The following NRXN3 variants were observed in gnomAD, a reference collection of about 807,000 sequenced individuals.
The protein encoded by NRXN3 is neurexin III.
Under a neutral mutation model 137.6 loss-of-function variants are expected in NRXN3, and 32 were observed. The observed-to-expected ratio is 0.23, with a 90% CI of 0.18 to 0.31. The LOEUF (loss-of-function observed/expected upper bound fraction) is 0.31, where lower values mean the gene tolerates loss of function less well. NRXN3 is among the 10% of genes least tolerant of loss of function. The pLI is 1.00. For missense variants in NRXN3, 1,574 were observed against 2,062.5 expected (o/e 0.76, Z 4.59); for synonymous variants, 798 against 784.5 (o/e 1.02, Z -0.29).
At chr14:79,739,537 A>G (rs2192425) in intron 19 of NRXN3, among the ~76,000 whole-genome samples, 97,106 of 150,626 alleles carry the variant, frequency 0.64, 32,311 homozygotes, top group Middle Eastern at 0.8. Flanking sequence ...CCAGCTACTC[A>G]GGAGGCTGAG....
chr14:78,946,630 T>A (rs951057842), intron 10 of NRXN3, among the ~76,000 whole-genome samples: 4 of 152,136 alleles, frequency 2.6e-5, no homozygotes, highest in African/African-American at 7.2e-5. Flanking sequence ...AGAACAGTTT[T>A]CTTCTGCTTG....
intron 19 of NRXN3, among the ~76,000 whole-genome samples, chr14:79,776,170 T>C (rs1022027950): frequency 6.6e-6 from 1 of 152,208 alleles, no homozygotes; most frequent in Admixed American, 6.5e-5. Context: ...CTCTCCACTG[T>C]TACTATGGTG....
At chr14:78,382,683 G>T (rs2089327335) in intron 4 of NRXN3, among the ~76,000 whole-genome samples, 1 of 152,140 alleles carries the variant, frequency 6.6e-6, no homozygotes, top group African/African-American at 2.4e-5. Flanking sequence ...TTTTCTCTTG[G>T]CACGTGCTCA....
At position 79,719,321 on chromosome 14, in the gene NRXN3, G is replaced by A. The variant is rs533838878; in HGVS notation, c.4014+21384G>A. Reference sequence around the variant, plus strand: ...TGTATATGTATGTGTATGTATACACGCGTGTGTATATATATGTATATATAC... The same window carrying A: ...TGTATATGTATGTGTATGTATACACACGTGTGTATATATATGTATATATAC... On this transcript the variant is annotated intron_variant, in intron 19 of 20. Transcript: ENST00000335750. Among the ~76,000 whole-genome samples the A allele has an allele frequency of 1.9e-3, 262 of 140,616 alleles. 1 individual carries two copies. The highest frequency in any genetic ancestry group is 3.6e-3 in the Admixed American group (48 of 13,242). 92.2% of individuals were successfully genotyped at this position (140,616 alleles called of 152,430 possible).
chr14:79,294,116 C>T (rs1191232804), intron 15 of NRXN3, among the ~76,000 whole-genome samples: 2 of 152,202 alleles, frequency 1.3e-5, no homozygotes. Flanking sequence ...ATCTGAGGGT[C>T]GTGCTGCAGT....
At chr14:79,188,886 A>G (rs1302146838) in intron 15 of NRXN3, among the ~76,000 whole-genome samples, 1 of 152,164 alleles carries the variant, frequency 6.6e-6, no homozygotes, top group African/African-American at 2.4e-5. Flanking sequence ...GTCAGGAAAC[A>G]ACAGGTGATG....
In NRXN3 at chr14:79,531,412, T is replaced by G. The variant is rs190939233; in HGVS notation, c.3444+64010T>G. 1.9e-4 allele frequency among the ~76,000 whole-genome samples: 29 copies of G among 152,326 alleles called. No homozygotes were observed. The East Asian group carries it at 5.6e-3, about 29-fold the overall frequency. On this transcript the variant is annotated intron_variant, in intron 16 of 20. Transcript: ENST00000335750. ...TAATGAAGGGTAGAACATTGAGATA[T>G]ATACCTGTTAATAGTAGAATAATAT...
At chr14:79,137,403 C>T (rs559655462) in intron 15 of NRXN3, among the ~76,000 whole-genome samples, 1 of 152,042 alleles carries the variant, frequency 6.6e-6, no homozygotes, top group African/African-American at 2.4e-5. Context: ...AAAAGTGATG[C>T]ACACTGCCCC....
At chr14:78,756,465 A>C (rs2098668731) in intron 8 of NRXN3, among the ~76,000 whole-genome samples, 1 of 151,154 alleles carries the variant, frequency 6.6e-6, no homozygotes, top group Admixed American at 6.6e-5. Flanking sequence ...TTGGCTCTGT[A>C]CAAGATCAGC....
At chr14:79,859,847 C>G (rs2099410584) in intron 20 of NRXN3, among the ~76,000 whole-genome samples, 1 of 152,048 alleles carries the variant, frequency 6.6e-6, no homozygotes, top group Admixed American at 6.5e-5. Context: ...TCGCAGCATC[C>G]CTGCGAGTGG....
chr14:79,771,361 A>G (rs2099077745), intron 19 of NRXN3, among the ~76,000 whole-genome samples: 1 of 152,206 alleles, frequency 6.6e-6, no homozygotes, highest in African/African-American at 2.4e-5. Context: ...ATGAACATTG[A>G]TGCAAGAATC....
At position 78,913,415 on chromosome 14, in the gene NRXN3, G is replaced by T. The variant is rs185448224; in HGVS notation, c.2276-43827G>T. Among the ~76,000 whole-genome samples the T allele has an allele frequency of 4.9e-3, 736 of 151,164 alleles. 9 individuals are homozygous for T. Among genetic ancestry groups the T allele is most frequent in the Non-Finnish European group, 5.8e-3 (392 of 67,854 alleles). On this transcript the variant is annotated intron_variant, in intron 10 of 20. Transcript: ENST00000335750. ...CTGCCTCAGCCTCCTGAGTAGCTGA[G>T]ACTACAGGTGTGCACCACCATGCCC...
chr14:79,019,944 A>AG (rs778526740), intron 15 of NRXN3, among the ~76,000 whole-genome samples: 2 of 152,116 alleles, frequency 1.3e-5, no homozygotes, highest in Non-Finnish European at 2.9e-5. Context: ...TGTCTGGTAG[A>AG]GAAAAAAAGA....
chr14:78,856,767 T>G (rs2099058337), intron 10 of NRXN3, among the ~76,000 whole-genome samples: 1 of 152,192 alleles, frequency 6.6e-6, no homozygotes, highest in Non-Finnish European at 1.5e-5. Context: ...TCTCAGTCAT[T>G]CTGTTGCCCA....
At chr14:79,450,100 C>T (rs2096140889) in intron 15 of NRXN3, among the ~76,000 whole-genome samples, 1 of 151,330 alleles carries the variant, frequency 6.6e-6, no homozygotes, top group African/African-American at 2.4e-5. Context: ...CCTCTCTCCA[C>T]ACATACTCAC....
chr14:79,299,466 C>T (rs1032991307), intron 15 of NRXN3, among the ~76,000 whole-genome samples: 5 of 152,108 alleles, frequency 3.3e-5, no homozygotes, highest in Non-Finnish European at 7.4e-5. Flanking sequence ...AATGCAACTA[C>T]AGACAATATG....
chr14:78,243,037 C>G lies in NRXN3; in HGVS notation c.-57C>G. On this transcript the variant is annotated 5_prime_UTR_variant, in exon 2 of 21. Transcript: ENST00000335750. The surrounding 1 kb of genome is among the most constrained non-coding windows in gnomAD (Gnocchi z 4.2). ...ACTTCTATTGCCAAAGGGAGAGATCCTCTCCGGGCTGTTCCCTGGCCTGTC... is the reference window on the plus strand; with the variant it reads ...ACTTCTATTGCCAAAGGGAGAGATCGTCTCCGGGCTGTTCCCTGGCCTGTC... 3 of 1,281,824 alleles carry G rather than the reference C, an allele frequency of 2.3e-6. No homozygotes were observed. Among genetic ancestry groups the G allele is most frequent in the Admixed American group, 2.8e-5 (1 of 36,020 alleles). The allele number at this position is 1,281,824 out of a possible 1,614,324, so 79.4% of individuals were successfully genotyped here. A position where few individuals can be genotyped will look rare whatever the true frequency, so the allele number is the denominator to read the frequency against.
chr14:78,980,453 A>G (rs1473655416), intron 14 of NRXN3, among the ~76,000 whole-genome samples: 2 of 152,228 alleles, frequency 1.3e-5, no homozygotes, highest in African/African-American at 4.8e-5. Context: ...GCATTCTGAT[A>G]CTAGTGTTGT....
At chr14:79,817,894 G>A (rs944208354) in intron 20 of NRXN3, among the ~76,000 whole-genome samples, 6 of 152,058 alleles carry the variant, frequency 3.9e-5, no homozygotes, top group Non-Finnish European at 7.4e-5. Flanking sequence ...TTATAAAATT[G>A]TTCCATTATG....
Sources: allele counts gnomAD v4.1 joint callset (sites outside exome capture counted in the v4.1 genomes callset), GRCh38; gene constraint gnomAD v4.1.1; non-coding constraint Gnocchi (gnomAD v3.1); transcripts MANE v1.5; gene names NCBI Gene and HGNC (gene_info 2026-07-23, HGNC 2026-07-21).